PDE1A: variants seen among roughly 807,000 people sequenced by gnomAD.
PDE1A encodes dual specificity calcium/calmodulin-dependent 3',5'-cyclic nucleotide phosphodiesterase 1A.
In PDE1A, 35 loss-of-function variants were observed where a neutral mutation model predicts 61.7. The ratio of observed to expected loss-of-function variants is 0.57; its 90% confidence interval spans 0.43 to 0.75. The LOEUF (loss-of-function observed/expected upper bound fraction) is 0.75. PDE1A is among the 30% of genes least tolerant of loss of function. The probability of loss-of-function intolerance (pLI) is 0.00; values close to 1 mark genes in which losing one functional copy is unlikely to be tolerated. For synonymous variants in PDE1A, 232 were observed against 213.2 expected (o/e 1.09, Z -0.77); for missense variants, 597 against 630.6 (o/e 0.95, Z 0.57).
chr2:182,602,169 G>C, the PDE1A span, among the ~76,000 whole-genome samples: 1 of 152,258 alleles, frequency 6.6e-6, no homozygotes. Flanking sequence ...AGCCTATGAA[G>C]GCAGGGGGGC....
the PDE1A span, among the ~76,000 whole-genome samples, chr2:182,575,273 G>A: frequency 5.3e-5 from 8 of 151,998 alleles, no homozygotes; most frequent in Non-Finnish European, 8.8e-5. Flanking sequence ...TTGATCTCCT[G>A]TATTCCACGA....
At chr2:182,199,569 T>G (rs574849205) in intron 10 of PDE1A, among the ~76,000 whole-genome samples, 14 of 152,238 alleles carry the variant, frequency 9.2e-5, no homozygotes, top group African/African-American at 3.4e-4. Context: ...TCTTTGTATC[T>G]CTTTATTTTT....
rs900058888 is a variant in PDE1A, at chr2:182,522,456, C to T, written c.-10-70G>A. ...ATTCCTCAGTCCATTACAAATCTTA[C>T]ACACTTATACAGTAGCCTCTCTTAT... On this transcript the variant is annotated intron_variant, in intron 1 of 14. Coordinates refer to the PDE1A transcript ENST00000410103. The T allele has an allele frequency of 3.8e-6, 6 of 1,594,974 alleles. No individual in the cohort carries two copies. In the Admixed American group the frequency reaches 5.1e-5, roughly 13 times the overall value.
At chr2:182,663,669 C>G in the PDE1A span, among the ~76,000 whole-genome samples, 107,489 of 151,940 alleles carry the variant, frequency 0.71, 38,450 homozygotes, top group Middle Eastern at 0.78. Flanking sequence ...CTGGGGCCTA[C>G]TGGAGAGAGG....
chr2:182,501,336 A>G (rs1322476314), intron 2 of PDE1A, among the ~76,000 whole-genome samples: 1 of 152,232 alleles, frequency 6.6e-6, no homozygotes, highest in African/African-American at 2.4e-5. Flanking sequence ...AAGGTGAAGG[A>G]AAAACCCTGT....
Position 182,347,067 on chromosome 2 carries a change from T to C in PDE1A, c.53+79511A>G, listed in dbSNP as rs565251415. 2.0e-5 allele frequency among the ~76,000 whole-genome samples: 3 copies of C among 152,282 alleles called. No individual in the cohort carries two copies. The Middle Eastern group carries it at 0.01, about 518-fold the overall frequency. On this transcript the variant is annotated intron_variant, in intron 1 of 13. Coordinates refer to ENST00000351439, the Ensembl canonical transcript of PDE1A. ...ATAAAGGTCTATAAGACAGACCCGA[T>C]GGTCAAATGGTTAAGTCCTCATCTA...
chr2:182,435,626 C>T (rs1309336378), intron 2 of PDE1A, among the ~76,000 whole-genome samples: 2 of 151,978 alleles, frequency 1.3e-5, no homozygotes, highest in Non-Finnish European at 2.9e-5. Flanking sequence ...CCATTACTCC[C>T]CAAACATGCC....
At chr2:182,477,637 C>G (rs1304774560) in intron 2 of PDE1A, among the ~76,000 whole-genome samples, 1 of 151,912 alleles carries the variant, frequency 6.6e-6, no homozygotes. Flanking sequence ...TTGTTTGAAA[C>G]TGCACACAAA....
intron 1 of PDE1A, among the ~76,000 whole-genome samples, chr2:182,277,647 G>A (rs1019309112): frequency 6.6e-6 from 1 of 151,956 alleles, no homozygotes; most frequent in Non-Finnish European, 1.5e-5. Context: ...ACAAAAAATT[G>A]CCCTAGGTTG....
chr2:182,329,854 G>A (rs1000360785), intron 1 of PDE1A, among the ~76,000 whole-genome samples: 3 of 152,090 alleles, frequency 2.0e-5, no homozygotes, highest in Non-Finnish European at 2.9e-5. Flanking sequence ...GTTTATTTTA[G>A]AAAGACTCCA....
intron 2 of PDE1A, among the ~76,000 whole-genome samples, chr2:182,476,561 T>C (rs189346326): frequency 1.8e-4 from 28 of 152,068 alleles, no homozygotes; most frequent in Admixed American, 1.8e-3. Context: ...ACACATTATT[T>C]TGATTAATAG....
chr2:182,233,496 C>A (rs1230645273), intron 4 of PDE1A, among the ~76,000 whole-genome samples: 1 of 151,916 alleles, frequency 6.6e-6, no homozygotes, highest in African/African-American at 2.4e-5. Context: ...AGATTAAAAT[C>A]TAATATGCAG....
chr2:182,141,801 T>C (rs1216875290), exon 15 of PDE1A: 2 of 152,214 alleles, frequency 1.3e-5, no homozygotes, highest in African/African-American at 2.4e-5. Context: ...ATTTAATTTA[T>C]GGCTACTCCT....
Position 182,257,611 on chromosome 2 carries a change from G to A in PDE1A, c.167+6690C>T, listed in dbSNP as rs73049880. Among the ~76,000 whole-genome samples the A allele has an allele frequency of 7.1e-3, 1,074 of 152,246 alleles. 9 individuals carry two copies. The highest frequency in any genetic ancestry group is 0.024 in the African/African-American group (985 of 41,512). ...CAGGTTCTGTGTCCTTTAGAAAACT[G>A]TCATGTTTTTTCTAAATGTGAATTT... is the stretch of plus-strand genomic sequence containing the variant. On this transcript the variant is annotated intron_variant, in intron 2 of 13. Coordinates refer to ENST00000351439, the Ensembl canonical transcript of PDE1A.
At chr2:182,678,372 G>C in the PDE1A span, among the ~76,000 whole-genome samples, 4 of 152,252 alleles carry the variant, frequency 2.6e-5, no homozygotes, top group East Asian at 7.7e-4. Flanking sequence ...GCAGTGAGCC[G>C]ATATCATGCC....
intron 2 of PDE1A, among the ~76,000 whole-genome samples, chr2:182,441,943 T>C (rs1170026920): frequency 1.3e-5 from 2 of 151,910 alleles, no homozygotes; most frequent in Non-Finnish European, 2.9e-5. Flanking sequence ...GGAATAAAGG[T>C]CCTCCTACTG....
At chr2:182,389,634 A>G (rs1031715497) in intron 1 of PDE1A, among the ~76,000 whole-genome samples, 1 of 152,230 alleles carries the variant, frequency 6.6e-6, no homozygotes. Flanking sequence ...AAGACAAAAG[A>G]CAGTGTGATG....
chr2:182,206,028 G>A, exon 8 of PDE1A: 1 of 1,611,872 alleles, frequency 6.2e-7, no homozygotes, highest in Non-Finnish European at 8.5e-7. Context: ...TGATTCTCAA[G>A]GACAGAGCGA....
the PDE1A span, among the ~76,000 whole-genome samples, chr2:182,693,637 CTTTTTTTT>C: frequency 3.2e-5 from 4 of 123,428 alleles, no homozygotes; most frequent in Admixed American, 8.8e-5. Flanking sequence ...TGATAGTGTT[CTTTTTTTT>C]TTTTTTTTTT....
Sources: gnomAD v4.1 joint callset for allele counts (sites outside exome capture counted in the v4.1 genomes callset) on GRCh38, gnomAD v4.1.1 for gene constraint, MANE v1.5 for transcripts, NCBI Gene and HGNC (gene_info 2026-07-23, HGNC 2026-07-21) for gene names.